The following PRSS53 variants were observed in gnomAD, a reference collection of about 807,000 sequenced individuals.
PRSS53 encodes the protein serine protease 53.
In PRSS53, 54 loss-of-function variants were observed where a neutral mutation model predicts 62.7. The ratio of observed to expected loss-of-function variants is 0.86; its 90% CI spans 0.69 to 1.08. The LOEUF (loss-of-function observed/expected upper bound fraction) is 1.08, where lower values mean the gene tolerates loss of function less well. PRSS53 is among the 50% of genes least tolerant of loss of function. The pLI is 0.00. For missense variants in PRSS53, 688 were observed against 728.3 expected, an observed-to-expected ratio of 0.94 and a Z score of 0.64; for synonymous variants, 273 against 300.0, an observed-to-expected ratio of 0.91 and a Z score of 0.93.
chr16:31,086,021 C>T (rs371238035), exon 6 of PRSS53: 4 of 1,614,068 alleles, frequency 2.5e-6, no homozygotes, highest in Non-Finnish European at 3.4e-6. Flanking sequence ...GCCAGGAAAG[C>T]TGCCCCCTGA....
exon 7 of PRSS53, chr16:31,085,163 G>C (rs371720280): frequency 1.2e-6 from 2 of 1,610,542 alleles, no homozygotes; most frequent in African/African-American, 1.3e-5. Context: ...CCAGGGCTCC[G>C]CCACAGGCCA....
At chr16:31,083,483 G>GC (rs929795614) in exon 11 of PRSS53, 12 of 1,329,306 alleles carry the variant, frequency 9.0e-6, no homozygotes, top group Non-Finnish European at 9.7e-6. Context: ...GAAAACTGCT[G>GC]CCCCCCAAAA....
chr16:31,085,843 A>AG, intron 6 of PRSS53, 121 bp downstream of exon 6: 1 of 872,008 alleles, frequency 1.1e-6, no homozygotes, highest in South Asian at 1.5e-5. Flanking sequence ...TTCCCATCCC[A>AG]GGGGGTGAAA....
chr16:31,088,591 G>A (rs1347175499), intron 1 of PRSS53, 161 bp downstream of exon 1: 3 of 1,448,944 alleles, frequency 2.1e-6, no homozygotes, highest in African/African-American at 2.8e-5. Flanking sequence ...TGACACAGGT[G>A]GCCACATATA....
At chr16:31,084,453 G>C in intron 9 of PRSS53, 105 bp downstream of exon 9, 1 of 1,495,710 alleles carries the variant, frequency 6.7e-7, no homozygotes, top group Non-Finnish European at 9.0e-7. Flanking sequence ...TTAGTTTCAG[G>C]TGGGAGGTGG....
At chr16:31,085,215 G>A in exon 7 of PRSS53, 2 of 1,604,266 alleles carry the variant, frequency 1.2e-6, no homozygotes, top group Non-Finnish European at 1.7e-6. Flanking sequence ...GGGCCATGGG[G>A]AGGGTGCTCC....
chr16:31,084,637 G>T (rs1485687161), exon 9 of PRSS53: 26 of 1,608,194 alleles, frequency 1.6e-5, no homozygotes, highest in Non-Finnish European at 2.1e-5. Flanking sequence ...CCCAGGAGCT[G>T]CATGCAGCCG....
rs1313736390 is a variant in PRSS53 at position 31,085,405 on chromosome 16, G to A, written c.884-145C>T. On this transcript the variant is annotated intron_variant, in intron 6 of 10. Coordinates refer to ENST00000280606, the Ensembl canonical transcript of PRSS53. ...TCCAGAGAGGTTAAGAGACTTCCTT[G>A]CTCTGTAACTACAGGCAAGTGGCAG... is the stretch of plus-strand genomic sequence containing the variant. 4.0e-6 allele frequency: 4 copies of A among 1,011,892 alleles called. No homozygotes were observed. In the African/African-American group the frequency reaches 4.9e-5, roughly 12 times the overall value. 62.7% of individuals were successfully genotyped at this position (1,011,892 alleles called of 1,614,324 possible). A position where few individuals can be genotyped will look rare whatever the true frequency, so the allele number is the denominator to read the frequency against.
exon 4 of PRSS53, chr16:31,086,807 C>A: frequency 6.2e-7 from 1 of 1,613,494 alleles, no homozygotes; most frequent in Non-Finnish European, 8.5e-7. Flanking sequence ...TGCAGGGCAG[C>A]CACCCCCACC....
intron 4 of PRSS53, 65 bp downstream of exon 4, chr16:31,086,568 A>AGCTGAGACTGTGACGCTGGGC: frequency 7.7e-6 from 12 of 1,559,818 alleles, no homozygotes; most frequent in Admixed American, 3.7e-5. Flanking sequence ...GACAGTTGGG[A>AGCTGAGACTGTGACGCTGGGC]GCTGAGACTG....
At chr16:31,084,454 TG>T in intron 9 of PRSS53, 103 bp downstream of exon 9, 5 of 1,496,656 alleles carry the variant, frequency 3.3e-6, no homozygotes, top group Non-Finnish European at 3.6e-6. Flanking sequence ...TAGTTTCAGG[TG>T]GGAGGTGGGT....
intron 4 of PRSS53, 67 bp downstream of exon 4, chr16:31,086,566 G>A (rs2057236017): frequency 1.3e-6 from 2 of 1,562,224 alleles, no homozygotes; most frequent in Non-Finnish European, 1.7e-6. Flanking sequence ...AGGACAGTTG[G>A]GAGCTGAGAC....
chr16:31,084,606 C>G, exon 9 of PRSS53: 2 of 1,606,946 alleles, frequency 1.2e-6, no homozygotes, highest in Non-Finnish European at 1.7e-6. Context: ...CCATCCCCGG[C>G]AGAATAGGGC....
At chr16:31,086,874 G>A in exon 4 of PRSS53, 1 of 1,603,036 alleles carries the variant, frequency 6.2e-7, no homozygotes, top group Admixed American at 1.7e-5. Flanking sequence ...CCACTGACCA[G>A]GAATTCAGTT....
exon 6 of PRSS53, chr16:31,086,182 C>T: frequency 6.2e-7 from 1 of 1,610,106 alleles, no homozygotes; most frequent in African/African-American, 1.3e-5. Context: ...CCCGGAATCT[C>T]CCTGGAGCCA....
intron 1 of PRSS53, 29 bp from the exon 2 acceptor site, chr16:31,087,855 C>G (rs776748654): frequency 3.1e-6 from 5 of 1,613,300 alleles, no homozygotes; most frequent in Non-Finnish European, 4.2e-6. Context: ...AGGTAAGATG[C>G]AGGGACTCCA....
chr16:31,088,354 T>C, intron 1 of PRSS53: 2 of 1,118,550 alleles, frequency 1.8e-6, no homozygotes, highest in Non-Finnish European at 2.2e-6. Flanking sequence ...CCACCGCCCC[T>C]CACAGGCACA....
intron 10 of PRSS53, 126 bp downstream of exon 10, chr16:31,083,992 CA>C: frequency 6.7e-7 from 1 of 1,498,234 alleles, no homozygotes; most frequent in Non-Finnish European, 8.9e-7. Context: ...GAATCTGAAT[CA>C]AATGGGTCTG....
chr16:31,084,762 G>A lies in PRSS53; in HGVS notation c.1279+18C>T. 1 of 1,578,054 alleles carries A rather than the reference G, an allele frequency of 6.3e-7. No homozygotes were observed. Among genetic ancestry groups the A allele is most frequent in the Non-Finnish European group, 8.6e-7 (1 of 1,159,610 alleles). ...TGCAGGTTGGATGGACAGCAGCCCT[G>A]GCCCTGTGCCCACCTACCTGCTCCT... On this transcript the variant is annotated intron_variant, in intron 8 of 10. Coordinates refer to ENST00000280606, the Ensembl canonical transcript of PRSS53.
Sources: gnomAD v4.1 joint callset for allele counts on GRCh38, gnomAD v4.1.1 for gene constraint, MANE v1.5 for transcripts, NCBI Gene and HGNC (gene_info 2026-07-23, HGNC 2026-07-21) for gene names.